The following CAP2 variants were observed in gnomAD, a reference collection of about 807,000 sequenced individuals.
CAP2 encodes the protein cyclase associated actin cytoskeleton regulatory protein 2, also known as adenylyl cyclase-associated protein 2.
Under a neutral mutation model 57.7 loss-of-function variants are expected in CAP2, and 24 were observed. That is an observed-to-expected ratio of 0.42 (90% confidence interval 0.30 to 0.58). CAP2 has a LOEUF of 0.58. Ranked by LOEUF, CAP2 falls within the 20% of genes least tolerant of loss-of-function variation. The probability of loss-of-function intolerance (pLI) is 0.22; values close to 1 mark genes in which losing one functional copy is unlikely to be tolerated. For synonymous variants in CAP2, 194 were observed against 207.2 expected (o/e 0.94, Z 0.55); for missense variants, 501 against 590.3 (o/e 0.85, Z 1.57).
At position 17,462,857 on chromosome 6, in the gene CAP2, A is replaced by G. The variant is rs1371999433; in HGVS notation, c.223-139A>G. 6.0e-6 allele frequency: 4 copies of G among 661,512 alleles called. No individual in the cohort carries two copies. The Admixed American group carries it at 9.6e-5, about 16-fold the overall frequency. The allele number at this position is 661,512 out of a possible 1,614,324, so 41.0% of individuals were successfully genotyped here. A position where few individuals can be genotyped will look rare whatever the true frequency, so the allele number is the denominator to read the frequency against. On this transcript the variant is annotated intron_variant, in intron 3 of 12. Coordinates refer to ENST00000229922, the MANE Select transcript of CAP2 (RefSeq NM_006366.3). ...TGGTTATTATATGATGCTGTTACGA[A>G]CATTCATTTACAAGTTTTTGTGTGA...
intron 3 of CAP2, among the ~76,000 whole-genome samples, chr6:17,446,794 C>CA (rs1760269719): frequency 6.6e-6 from 1 of 152,124 alleles, no homozygotes; most frequent in Admixed American, 6.5e-5. Flanking sequence ...CATCTAGCAG[C>CA]AAAAAACAAA....
intron 4 of CAP2, among the ~76,000 whole-genome samples, chr6:17,474,786 G>A (rs1761107546): frequency 6.6e-6 from 1 of 152,156 alleles, no homozygotes; most frequent in South Asian, 2.1e-4. Flanking sequence ...GATCTTTAGA[G>A]TTGATATCTC....
chr6:17,418,848 G>T (rs756946652), intron 1 of CAP2, among the ~76,000 whole-genome samples: 3 of 152,146 alleles, frequency 2.0e-5, no homozygotes, highest in African/African-American at 7.2e-5. Context: ...AGAGGATTAC[G>T]TAAAGGATTC....
At chr6:17,546,485 T>C (rs1371912597) in intron 11 of CAP2, among the ~76,000 whole-genome samples, 1 of 152,242 alleles carries the variant, frequency 6.6e-6, no homozygotes, top group Non-Finnish European at 1.5e-5. Flanking sequence ...TTTCTCCCGT[T>C]CTGTAGGTTG....
chr6:17,541,237 CTTTT>C, intron 9 of CAP2, 89 bp downstream of exon 9: 1 of 1,035,634 alleles, frequency 9.7e-7, no homozygotes, highest in Non-Finnish European at 1.4e-6. Flanking sequence ...TGAAGGATTT[CTTTT>C]TTTTAATTTT....
At chr6:17,416,453 T>G (rs1759277921) in intron 1 of CAP2, among the ~76,000 whole-genome samples, 1 of 152,168 alleles carries the variant, frequency 6.6e-6, no homozygotes, top group Non-Finnish European at 1.5e-5. Flanking sequence ...ATGCAAATAG[T>G]CATAACTGTG....
At chr6:17,505,141 A>G (rs911833210) in intron 4 of CAP2, among the ~76,000 whole-genome samples, 5 of 152,300 alleles carry the variant, frequency 3.3e-5, no homozygotes, top group African/African-American at 9.6e-5. Flanking sequence ...TGTAGGTGGT[A>G]GGTATTCTCT....
chr6:17,532,407 C>A (rs1762666984), intron 7 of CAP2, among the ~76,000 whole-genome samples: 1 of 147,582 alleles, frequency 6.8e-6, no homozygotes, highest in Non-Finnish European at 1.5e-5. Flanking sequence ...TCCCAAAGTG[C>A]TGGGATTACA....
intron 4 of CAP2, among the ~76,000 whole-genome samples, chr6:17,486,934 G>C (rs1284035208): frequency 6.6e-6 from 1 of 152,222 alleles, no homozygotes; most frequent in Non-Finnish European, 1.5e-5. Flanking sequence ...GGACTCAGCT[G>C]TGTCTTTTCT....
At chr6:17,407,098 TTC>T (rs1406616420) in intron 1 of CAP2, among the ~76,000 whole-genome samples, 2 of 152,382 alleles carry the variant, frequency 1.3e-5, no homozygotes, top group East Asian at 3.9e-4. Flanking sequence ...GGCTTCTTCC[TTC>T]TTGAGTGTCC....
intron 3 of CAP2, among the ~76,000 whole-genome samples, chr6:17,429,378 AGG>A (rs1405681083): frequency 1.9e-3 from 289 of 152,352 alleles, no homozygotes; most frequent in African/African-American, 6.2e-3. Flanking sequence ...ATAACTCATT[AGG>A]AGTATCTCAA....
intron 3 of CAP2, among the ~76,000 whole-genome samples, chr6:17,449,844 C>T (rs368671769): frequency 6.6e-6 from 1 of 152,182 alleles, no homozygotes; most frequent in African/African-American, 2.4e-5. Context: ...TTCATACTCT[C>T]ACAGTGTCTT....
At chr6:17,396,199 C>T (rs547770554) in intron 1 of CAP2, among the ~76,000 whole-genome samples, 15 of 152,240 alleles carry the variant, frequency 9.9e-5, no homozygotes, top group South Asian at 2.1e-4. Context: ...TGTACACCAC[C>T]GATGGGAATA....
At chr6:17,430,574 T>C (rs1441535604) in intron 3 of CAP2, among the ~76,000 whole-genome samples, 1 of 151,472 alleles carries the variant, frequency 6.6e-6, no homozygotes, top group African/African-American at 2.4e-5. Flanking sequence ...AGTCTTGCTC[T>C]GTTGCCCAGG....
intron 6 of CAP2, 140 bp downstream of exon 6, chr6:17,507,866 C>G (rs960463870): frequency 1.9e-5 from 10 of 521,740 alleles, no homozygotes; most frequent in African/African-American, 1.7e-4. Flanking sequence ...AAAATCTAAT[C>G]TTTGCAGATA....
At chr6:17,497,224 G>A (rs1272274271) in intron 4 of CAP2, among the ~76,000 whole-genome samples, 2 of 152,178 alleles carry the variant, frequency 1.3e-5, no homozygotes, top group African/African-American at 2.4e-5. Context: ...TGTCCCTAGG[G>A]ATTACTAGTG....
chr6:17,430,926 A>G (rs113324766), intron 3 of CAP2, among the ~76,000 whole-genome samples: 2,872 of 152,338 alleles, frequency 0.019, 45 homozygotes, highest in Non-Finnish European at 0.03. Context: ...TGTGACAAAT[A>G]GGAAGCAACT....
intron 3 of CAP2, among the ~76,000 whole-genome samples, chr6:17,437,791 A>G (rs559761560): frequency 1.3e-5 from 2 of 151,772 alleles, no homozygotes; most frequent in African/African-American, 4.8e-5. Flanking sequence ...GCAGGAGAAT[A>G]GCTTGAATCT....
rs1762207545 is a variant in CAP2, at chr6:17,513,687, C to T, written c.531-162C>T. Among the ~76,000 whole-genome samples, 1 of 152,186 alleles carries T rather than the reference C, an allele frequency of 6.6e-6. No homozygotes were observed. The highest frequency in any genetic ancestry group is 2.4e-5 in the African/African-American group (1 of 41,440). ...GGAGAGTACTGGGCCAGCTTCCTCC[C>T]AGGGTTCCCTTCTGAAGCCCTTCAC... On this transcript the variant is annotated intron_variant, in intron 6 of 12. Transcript: ENST00000229922. The surrounding 1 kb of genome is among the most constrained non-coding windows in gnomAD (Gnocchi z 4.3).
Sources: allele counts gnomAD v4.1 joint callset (sites outside exome capture counted in the v4.1 genomes callset), GRCh38; gene constraint gnomAD v4.1.1; non-coding constraint Gnocchi (gnomAD v3.1); transcripts MANE v1.5; gene names NCBI Gene and HGNC (gene_info 2026-07-23, HGNC 2026-07-21).